Variants in RGPD3 observed in about 807,000 individuals in gnomAD.
RGPD3 encodes the protein RANBP2 like and GRIP domain containing 3.
In RGPD3, 62 loss-of-function variants were observed where a neutral mutation model predicts 154.5. The observed-to-expected ratio is 0.40, with a 90% CI of 0.33 to 0.50. The LOEUF (loss-of-function observed/expected upper bound fraction) is 0.50. Ranked by LOEUF, RGPD3 falls within the 20% of genes least tolerant of loss-of-function variation. The pLI is 0.59. For missense variants in RGPD3, 919 were observed against 1,716.8 expected (o/e 0.54, Z 8.21); for synonymous variants, 308 against 607.0 (o/e 0.51, Z 7.24).
At chr2:106,466,136 G>C (rs892991839) in intron 1 of RGPD3, among the ~76,000 whole-genome samples, 43 of 152,010 alleles carry the variant, frequency 2.8e-4, no homozygotes, top group Admixed American at 7.2e-4. Context: ...GGGCCAGGAC[G>C]GGCCCAGGAG....
intron 1 of RGPD3, among the ~76,000 whole-genome samples, chr2:106,466,881 CGCCGGGCCGGG>C (rs1362316474): frequency 1.5e-4 from 13 of 89,592 alleles, no homozygotes; most frequent in African/African-American, 5.0e-4. Context: ...TCGAGGCCGC[CGCCGGGCCGGG>C]TCGAGGCCGC....
Position 106,415,998 on chromosome 2 carries a change from T to A in RGPD3, c.4925-9A>T. ...ATACCATAATGGAGGCTCTGCAACATGTTGTTCCAAGAATTAATTTTCAAA... is the reference window on the plus strand; with the variant it reads ...ATACCATAATGGAGGCTCTGCAACAAGTTGTTCCAAGAATTAATTTTCAAA... On this transcript the variant is annotated splice_polypyrimidine_tract_variant and intron_variant, in intron 20 of 22. Transcript: ENST00000409886. 1 of 1,611,618 alleles carries A rather than the reference T, an allele frequency of 6.2e-7. No homozygotes were observed. Among genetic ancestry groups the A allele is most frequent in the Non-Finnish European group, 8.5e-7 (1 of 1,179,752 alleles).
At chr2:106,462,252 T>A (rs1370450170) in intron 1 of RGPD3, among the ~76,000 whole-genome samples, 3 of 151,112 alleles carry the variant, frequency 2.0e-5, no homozygotes, top group African/African-American at 7.3e-5. Flanking sequence ...AATAATTCCA[T>A]TACCTTCTTT....
chr2:106,470,017 T>C (rs1678775035), upstream of RGPD3, among the ~76,000 whole-genome samples: 1 of 152,176 alleles, frequency 6.6e-6, no homozygotes. Context: ...TACCACTTAG[T>C]AGGTTTATTT....
rs1268420031 is a variant in RGPD3, at chr2:106,403,722, C to T, written c.*1497G>A. On this transcript the variant is annotated 3_prime_UTR_variant, in exon 23 of 23. Coordinates refer to ENST00000409886, the MANE Select transcript of RGPD3 (RefSeq NM_001144013.2). The stretch of plus-strand genomic sequence containing the variant: ...GCTCTGAAATAGATGCATTTTCATT[C>T]ATACATTCGCTAGTTAGGTCTGTTC... Among the ~76,000 whole-genome samples the T allele has an allele frequency of 2.6e-5, 4 of 152,278 alleles. No homozygotes were observed. Among genetic ancestry groups the T allele is most frequent in the Non-Finnish European group, 5.9e-5 (4 of 68,054 alleles).
At position 106,429,079 on chromosome 2, in the gene RGPD3, T is replaced by C. The variant is rs897637799; in HGVS notation, c.2605+567A>G. 1.2e-3 allele frequency among the ~76,000 whole-genome samples: 189 copies of C among 152,218 alleles called. 1 individual carries two copies. The highest frequency in any genetic ancestry group is 4.1e-3 in the African/African-American group (171 of 41,516). On this transcript the variant is annotated intron_variant, in intron 18 of 22. Coordinates refer to ENST00000409886, the MANE Select transcript of RGPD3 (RefSeq NM_001144013.2). Reference sequence around the variant, plus strand: ...TGTCTGATACACACCCACACCCACCTGCACATACACAAATGCTCATAGTAA... The same window carrying C: ...TGTCTGATACACACCCACACCCACCCGCACATACACAAATGCTCATAGTAA...
intron 22 of RGPD3, among the ~76,000 whole-genome samples, chr2:106,408,925 A>G (rs1215256410): frequency 1.3e-5 from 2 of 151,572 alleles, no homozygotes; most frequent in Non-Finnish European, 2.9e-5. Context: ...TTCTCAAGCA[A>G]TCCTCCTGCC....
At chr2:106,468,140 T>G (rs1678698151) in intron 1 of RGPD3, 77 bp downstream of exon 1, 1 of 1,513,472 alleles carries the variant, frequency 6.6e-7, no homozygotes, top group African/African-American at 1.4e-5. Flanking sequence ...GCCTGAGCCA[T>G]CGAGGCCGCC....
rs922771459 is a variant in RGPD3 at position 106,414,464 on chromosome 2, TA to T, written c.5065-1180del. 8.0e-5 allele frequency among the ~76,000 whole-genome samples: 12 copies of T among 149,778 alleles called. No individual in the cohort carries two copies. The South Asian group carries it at 1.1e-3, about 13-fold the overall frequency. ...TGGTGAAACCATGCCTCTAGTAAAA[TA>T]AAAAAAATTAGCCGGGCATGGTGGT... On this transcript the variant is annotated intron_variant, in intron 21 of 22. Coordinates refer to ENST00000409886, the MANE Select transcript of RGPD3 (RefSeq NM_001144013.2).
At chr2:106,469,326 C>T (rs1342598991), upstream of RGPD3, among the ~76,000 whole-genome samples, 1 of 150,106 alleles carries the variant, frequency 6.7e-6, no homozygotes, top group African/African-American at 2.5e-5. Context: ...GGCACTATTA[C>T]CAGGCTTATA....
intron 22 of RGPD3, among the ~76,000 whole-genome samples, chr2:106,409,742 GCTGTATTCTTGT>G (rs1676612158): frequency 6.6e-6 from 1 of 150,858 alleles, no homozygotes; most frequent in African/African-American, 2.4e-5. Context: ...TATTATCTGT[GCTGTATTCTTGT>G]CTCTCCTTTT....
intron 1 of RGPD3, among the ~76,000 whole-genome samples, chr2:106,464,861 C>T (rs1356174905): frequency 6.6e-6 from 1 of 151,044 alleles, no homozygotes; most frequent in South Asian, 2.1e-4. Flanking sequence ...GTAGGTGGGA[C>T]TACAGGCGCT....
At chr2:106,429,089 CA>C (rs1677287380) in intron 18 of RGPD3, among the ~76,000 whole-genome samples, 1 of 152,048 alleles carries the variant, frequency 6.6e-6, no homozygotes, top group Non-Finnish European at 1.5e-5. Context: ...TGCACATACA[CA>C]AATGCTCATA....
At chr2:106,420,769 A>G (rs1449265707) in intron 20 of RGPD3, among the ~76,000 whole-genome samples, 1 of 152,320 alleles carries the variant, frequency 6.6e-6, no homozygotes, top group East Asian at 1.9e-4. Flanking sequence ...CTACTAGAAA[A>G]TTTATTTATT....
At chr2:106,470,923 A>C, upstream of RGPD3, 1 of 1,574,756 alleles carries the variant, frequency 6.4e-7, no homozygotes, top group Non-Finnish European at 8.6e-7. Flanking sequence ...CCAGGAATAA[A>C]AACCTTTCCC....
intron 21 of RGPD3, among the ~76,000 whole-genome samples, chr2:106,415,470 G>A (rs1020414154): frequency 2.1e-4 from 32 of 152,032 alleles, no homozygotes; most frequent in African/African-American, 7.0e-4. Context: ...GAGGTCAGGA[G>A]ATCGAGACCA....
rs759915607 is a variant in RGPD3, at chr2:106,423,834, C to A, written c.4133G>T (p.Gly1378Val). 2 of 1,611,858 alleles carry A rather than the reference C, an allele frequency of 1.2e-6. No homozygotes were observed. Among genetic ancestry groups the A allele is most frequent in the African/African-American group, 2.7e-5 (2 of 74,832 alleles). The change falls in exon 20 of 23, where the codon GGC becomes GTC. Residue 1378 changes from glycine (G) to valine (V), a missense_variant. Physicochemically the swap from Gly to Val is moderately radical, Grantham distance 109. Transcript: ENST00000409886. ...DKDVGQWKER[G>V]IGDIKILQNY... ...CTGTAAAATCTTTATATCACCAATG[C>A]CCCTTTCTTTCCATTGACCAACATC...
At chr2:106,426,895 G>A (rs1419152775) in intron 18 of RGPD3, among the ~76,000 whole-genome samples, 2 of 151,890 alleles carry the variant, frequency 1.3e-5, no homozygotes, top group Non-Finnish European at 2.9e-5. Context: ...CTAGCCAGAA[G>A]CCCAAGTTTG....
intron 4 of RGPD3, among the ~76,000 whole-genome samples, chr2:106,454,813 C>T (rs1323822561): frequency 2.5e-3 from 378 of 150,606 alleles, no homozygotes; most frequent in African/African-American, 8.8e-3. Context: ...GTAAAGAAAT[C>T]TGCACAATTA....
Sources: gnomAD v4.1 joint callset for allele counts (sites outside exome capture counted in the v4.1 genomes callset) on GRCh38, gnomAD v4.1.1 for gene constraint, MANE v1.5 for transcripts, NCBI Gene and HGNC (gene_info 2026-07-23, HGNC 2026-07-21) for gene names.